CEP78: variants seen among roughly 807,000 people sequenced by gnomAD.
The protein encoded by CEP78 is centrosomal protein 78.
Under a neutral mutation model 81.2 loss-of-function variants are expected in CEP78, and 76 were observed. The observed-to-expected ratio is 0.94, with a 90% CI of 0.78 to 1.13. The LOEUF (loss-of-function observed/expected upper bound fraction) is 1.13, where lower values mean the gene tolerates loss of function less well. CEP78 is among the 50% of genes most tolerant of loss of function. The pLI, the probability that CEP78 is intolerant of heterozygous loss-of-function variation, is 0.00. For missense variants in CEP78, 918 were observed against 846.8 expected (o/e 1.08, Z -1.04); for synonymous variants, 293 against 301.4 (o/e 0.97, Z 0.29).
At chr9:78,265,281 TATTTAATG>T in intron 13 of CEP78, 83 bp from the exon 14 acceptor site, 1 of 1,026,582 alleles carries the variant, frequency 9.7e-7, no homozygotes, top group Non-Finnish European at 1.4e-6. Context: ...ATTTTAGAAG[TATTTAATG>T]ATTGTAGGTT....
chr9:78,240,277 TC>T lies in CEP78; in HGVS notation c.427-10del. 6.2e-7 allele frequency: 1 copy of T among 1,607,274 alleles called. No individual in the cohort carries two copies. Among genetic ancestry groups the T allele is most frequent in the Non-Finnish European group, 8.5e-7 (1 of 1,176,192 alleles). ...AAACCTCAATAACATTTTTAACTTT[TC>T]CCCCTCATTAAAGGGATTGAATAAA... On this transcript the variant is annotated splice_polypyrimidine_tract_variant and intron_variant, in intron 2 of 16. Coordinates refer to ENST00000643273, the MANE Select transcript of CEP78 (RefSeq NM_001330691.3).
intron 11 of CEP78, among the ~76,000 whole-genome samples, chr9:78,257,601 G>A (rs1040843557): frequency 4.6e-5 from 7 of 152,022 alleles, no homozygotes; most frequent in Non-Finnish European, 8.8e-5. Flanking sequence ...GAATGAGGGA[G>A]GGGGAAAGAG....
intron 11 of CEP78, among the ~76,000 whole-genome samples, chr9:78,259,348 G>A (rs934064935): frequency 2.0e-5 from 3 of 152,124 alleles, no homozygotes; most frequent in Admixed American, 2.0e-4. Flanking sequence ...GAAGGAGAGG[G>A]GCTTGTGATG....
intron 4 of CEP78, 101 bp from the exon 5 acceptor site, chr9:78,243,361 G>A (rs557344882): frequency 5.5e-6 from 5 of 916,558 alleles, no homozygotes; most frequent in African/African-American, 3.4e-5. Context: ...TGTACCTGGT[G>A]TGTGTGTAAA....
rs945161829 is a variant in CEP78, at chr9:78,236,151, G to A, written c.-200G>A. On this transcript the variant is annotated 5_prime_UTR_variant, in exon 1 of 17. Transcript: ENST00000643273. ...GGCCGCAGGGCGGGAGGCAGCGCGG[G>A]AGTGGGGCGTTGAGGGGCCGGCCTA... is the stretch of plus-strand genomic sequence containing the variant. The A allele has an allele frequency of 1.2e-5, 7 of 564,786 alleles. No individual in the cohort carries two copies. Among genetic ancestry groups the A allele is most frequent in the East Asian group, 6.6e-5 (2 of 30,402 alleles). 35.0% of individuals were successfully genotyped at this position (564,786 alleles called of 1,614,324 possible).
At chr9:78,268,680 CTTTTTTTTTTTT>C (rs1221969870) in intron 16 of CEP78, among the ~76,000 whole-genome samples, 1 of 130,700 alleles carries the variant, frequency 7.7e-6, no homozygotes, top group Admixed American at 8.1e-5. Context: ...GGTTTCTTTT[CTTTTTTTTTTTT>C]TTTTTTTTGA....
chr9:78,253,489 A>G, intron 10 of CEP78: 5 of 452,084 alleles, frequency 1.1e-5, no homozygotes. Flanking sequence ...CTGTGTAGAC[A>G]GGAAGTCATT....
intron 10 of CEP78, chr9:78,253,742 C>G (rs1488557911): frequency 6.5e-6 from 1 of 153,550 alleles, no homozygotes; most frequent in Non-Finnish European, 1.5e-5. Flanking sequence ...CAAACACATT[C>G]CCTGTCATTC....
chr9:78,248,418 A>T (rs1462472051), intron 7 of CEP78, 63 bp downstream of exon 7: 19 of 1,073,640 alleles, frequency 1.8e-5, no homozygotes, highest in Admixed American at 9.1e-5. Context: ...CTGGGATCTC[A>T]CTGTACTGCC....
At chr9:78,257,948 G>A (rs1434706210) in intron 11 of CEP78, among the ~76,000 whole-genome samples, 6 of 152,276 alleles carry the variant, frequency 3.9e-5, no homozygotes, top group African/African-American at 4.8e-5. Context: ...TATAGAAGGC[G>A]GTGTAACCTG....
At chr9:78,264,906 T>G (rs1311748610) in intron 13 of CEP78, among the ~76,000 whole-genome samples, 2 of 152,136 alleles carry the variant, frequency 1.3e-5, no homozygotes, top group African/African-American at 4.8e-5. Flanking sequence ...GCTGAACGAA[T>G]ATACTGAAAG....
chr9:78,241,448 G>C (rs1171671638), intron 3 of CEP78, among the ~76,000 whole-genome samples: 1 of 152,114 alleles, frequency 6.6e-6, no homozygotes, highest in Non-Finnish European at 1.5e-5. Context: ...TCTGGAGTAA[G>C]GTTGCAATAT....
chr9:78,250,367 G>A (rs1429626197), intron 8 of CEP78: 12 of 396,944 alleles, frequency 3.0e-5, no homozygotes, highest in Non-Finnish European at 4.4e-5. Context: ...TTGCAATTAC[G>A]TGTGCAGACA....
chr9:78,272,361 G>T lies in CEP78; in HGVS notation c.*1510G>T, dbSNP rs893880097. ...TGTTTAGATCAAATAAACTGATAAA[G>T]ATATTGATAAAGATATGAGACAAAC... On this transcript the variant is annotated 3_prime_UTR_variant, in exon 17 of 17. Coordinates refer to ENST00000643273, the MANE Select transcript of CEP78 (RefSeq NM_001330691.3). The T allele has an allele frequency of 6.6e-6, 1 of 152,192 alleles. No individual in the cohort carries two copies. The highest frequency in any genetic ancestry group is 2.4e-5 in the African/African-American group (1 of 41,442). 9.4% of individuals were successfully genotyped at this position (152,192 alleles called of 1,614,324 possible). A position where few individuals can be genotyped will look rare whatever the true frequency, so the allele number is the denominator to read the frequency against.
At chr9:78,249,312 T>C (rs1826648099) in intron 8 of CEP78, 1 of 152,456 alleles carries the variant, frequency 6.6e-6, no homozygotes, top group South Asian at 2.1e-4. Flanking sequence ...TCCTCCTCCT[T>C]CCTTGCAAAT....
chr9:78,278,600 G>A lies in CEP78; in HGVS notation c.*7749G>A, dbSNP rs1279215544. The A allele has an allele frequency of 6.6e-6, 1 of 152,146 alleles. No homozygotes were observed. The highest frequency in any genetic ancestry group is 1.5e-5 in the Non-Finnish European group (1 of 68,034). 9.4% of individuals were successfully genotyped at this position (152,146 alleles called of 1,614,324 possible). On this transcript the variant is annotated 3_prime_UTR_variant, in exon 17 of 17. Coordinates refer to ENST00000643273, the MANE Select transcript of CEP78 (RefSeq NM_001330691.3). Reference sequence around the variant, plus strand: ...AAGTATGTTTCACAATCCACTAATGGGTAATGTCCTACTGTTTGGAAACAC... The same window carrying A: ...AAGTATGTTTCACAATCCACTAATGAGTAATGTCCTACTGTTTGGAAACAC...
intron 5 of CEP78, 148 bp downstream of exon 5, chr9:78,243,784 A>G (rs1826346839): frequency 1.8e-6 from 1 of 542,082 alleles, no homozygotes; most frequent in Non-Finnish European, 3.0e-6. Context: ...CCTTTATAAA[A>G]GTTATATATA....
intron 11 of CEP78, among the ~76,000 whole-genome samples, chr9:78,259,834 T>G (rs965889814): frequency 6.6e-6 from 1 of 152,214 alleles, no homozygotes; most frequent in African/African-American, 2.4e-5. Context: ...GAAATTTAAG[T>G]ACTAATTAGT....
At chr9:78,248,420 T>C in intron 7 of CEP78, 65 bp downstream of exon 7, 1 of 1,057,360 alleles carries the variant, frequency 9.5e-7, no homozygotes, top group Non-Finnish European at 1.5e-6. Context: ...GGGATCTCAC[T>C]GTACTGCCCA....
Sources: gnomAD v4.1 joint callset for allele counts (sites outside exome capture counted in the v4.1 genomes callset) on GRCh38, gnomAD v4.1.1 for gene constraint, MANE v1.5 for transcripts, NCBI Gene and HGNC (gene_info 2026-07-23, HGNC 2026-07-21) for gene names.